PDE4D: variants seen among roughly 807,000 people sequenced by gnomAD.
The protein encoded by PDE4D is phosphodiesterase 4D.
A neutral mutation model predicts 87.4 loss-of-function variants in PDE4D; 24 were observed. That is an observed-to-expected ratio of 0.27 (90% CI 0.20 to 0.39). PDE4D has a LOEUF of 0.39. PDE4D is among the 10% of genes least tolerant of loss of function. PDE4D has a pLI of 1.00. For synonymous variants in PDE4D, 384 were observed against 383.2 expected, an observed-to-expected ratio of 1.00 and a Z score of -0.02; for missense variants, 714 against 1,041.0, an observed-to-expected ratio of 0.69 and a Z score of 4.32.
At chr5:59,419,305 T>C (rs891157615) in intron 1 of PDE4D, among the ~76,000 whole-genome samples, 2 of 152,232 alleles carry the variant, frequency 1.3e-5, no homozygotes, top group African/African-American at 4.8e-5. Context: ...GACTTTGATT[T>C]TTTTGAAGGC....
intron 1 of PDE4D, among the ~76,000 whole-genome samples, chr5:59,294,397 T>G (rs1768648408): frequency 6.6e-6 from 1 of 152,148 alleles, no homozygotes; most frequent in Non-Finnish European, 1.5e-5. Flanking sequence ...TCTCAAATGG[T>G]GACATAATGT....
chr5:59,694,872 C>A (rs1323789067), intron 1 of PDE4D, among the ~76,000 whole-genome samples: 1 of 152,168 alleles, frequency 6.6e-6, no homozygotes, highest in Non-Finnish European at 1.5e-5. Context: ...TTCTAAAGGA[C>A]TTTTACCAAA....
At chr5:59,771,473 GAA>G (rs1491453026) in intron 1 of PDE4D, among the ~76,000 whole-genome samples, 163 of 94,698 alleles carry the variant, frequency 1.7e-3, no homozygotes, top group East Asian at 2.7e-3. Context: ...AAGAAAGAAA[GAA>G]AGAAAGAAAG....
chr5:59,220,367 G>A (rs1752230817), intron 1 of PDE4D, among the ~76,000 whole-genome samples: 1 of 92,728 alleles, frequency 1.1e-5, no homozygotes, highest in African/African-American at 4.6e-5. Flanking sequence ...GACAGAGCAT[G>A]ACTCTGTCTC....
At chr5:59,029,029 T>C (rs1243881976) in intron 6 of PDE4D, among the ~76,000 whole-genome samples, 1 of 152,182 alleles carries the variant, frequency 6.6e-6, no homozygotes, top group East Asian at 1.9e-4. Flanking sequence ...GATTTAACAA[T>C]AAGTTGCTCT....
Position 59,196,895 on chromosome 5 carries a change from T to C in PDE4D, c.648-3359A>G, listed in dbSNP as rs530421833. 1.6e-4 allele frequency among the ~76,000 whole-genome samples: 24 copies of C among 152,260 alleles called. No individual in the cohort carries two copies. In the South Asian group the frequency reaches 4.8e-3, roughly 30 times the overall value. ...CACCTATGCCGACTTGATTTGCCAG[T>C]CTGATAAACTATTCATCTGCTTCAG... On this transcript the variant is annotated intron_variant, in intron 2 of 14. Coordinates refer to ENST00000340635, the MANE Select transcript of PDE4D (RefSeq NM_001104631.2).
At chr5:60,122,244 G>C (rs1473246892) in intron 2 of PDE4D, among the ~76,000 whole-genome samples, 1 of 152,172 alleles carries the variant, frequency 6.6e-6, no homozygotes, top group East Asian at 1.9e-4. Context: ...GGGGTCTGAA[G>C]GCTGTGGCCC....
Position 59,299,876 on chromosome 5 carries a change from G to A in PDE4D, c.456-83908C>T, listed in dbSNP as rs185986281. Among the ~76,000 whole-genome samples the A allele has an allele frequency of 5.4e-3, 821 of 152,264 alleles. 4 individuals are homozygous for A. Among genetic ancestry groups the A allele is most frequent in the South Asian group, 0.02 (96 of 4,826 alleles). On this transcript the variant is annotated intron_variant, in intron 1 of 14. Transcript: ENST00000340635. ...TTTAATCCCAGCACTTTGGGAGGCCGAGGTGGGCAGATCACCTGAGGTCAG... is the reference window on the plus strand; with the variant it reads ...TTTAATCCCAGCACTTTGGGAGGCCAAGGTGGGCAGATCACCTGAGGTCAG...
At chr5:60,292,538 C>A (rs1323499721) in intron 1 of PDE4D, among the ~76,000 whole-genome samples, 1 of 152,286 alleles carries the variant, frequency 6.6e-6, no homozygotes, top group African/African-American at 2.4e-5. Context: ...GCCAAAGATC[C>A]TACAGTCCTT....
intron 2 of PDE4D, among the ~76,000 whole-genome samples, chr5:60,043,327 T>C (rs1768746484): frequency 6.6e-6 from 1 of 152,148 alleles, no homozygotes; most frequent in Non-Finnish European, 1.5e-5. Context: ...TTGATTGGTG[T>C]ACCTCAAAGT....
Position 59,502,663 on chromosome 5 carries a change from AGTGTGTGTGTGT to A in PDE4D, c.456-286707_456-286696del, listed in dbSNP as rs56100725. Among the ~76,000 whole-genome samples the A allele has an allele frequency of 3.4e-3, 463 of 135,250 alleles. 1 individual carries two copies. Among genetic ancestry groups the A allele is most frequent in the African/African-American group, 0.011 (406 of 35,846 alleles). The allele number at this position is 135,250 out of a possible 152,430, so 88.7% of individuals were successfully genotyped here. A position where few individuals can be genotyped will look rare whatever the true frequency, so the allele number is the denominator to read the frequency against. On this transcript the variant is annotated intron_variant, in intron 1 of 14. Transcript: ENST00000340635. ...AGATAATTTCTTTATTCCTTAAGGT[AGTGTGTGTGTGT>A]GTGTGTGTGTGTGTGTGTGTGTGTG...
chr5:60,223,012 C>A (rs1348919617), intron 1 of PDE4D, among the ~76,000 whole-genome samples: 1 of 152,100 alleles, frequency 6.6e-6, no homozygotes, highest in Admixed American at 6.6e-5. Flanking sequence ...AGTTTTCCTT[C>A]TTTTCATTTC....
intron 1 of PDE4D, among the ~76,000 whole-genome samples, chr5:59,505,004 C>T (rs1809000760): frequency 1.3e-5 from 2 of 151,240 alleles, no homozygotes; most frequent in Admixed American, 6.6e-5. Context: ...TAGGGCTGCT[C>T]ATTAGTCTTA....
chr5:59,791,299 T>G (rs939667178), intron 1 of PDE4D, among the ~76,000 whole-genome samples: 2 of 152,208 alleles, frequency 1.3e-5, no homozygotes, highest in African/African-American at 2.4e-5. Flanking sequence ...ACACTCTACT[T>G]GATCTTAGCC....
chr5:60,316,700 G>C (rs936436259), intron 1 of PDE4D, among the ~76,000 whole-genome samples: 31 of 152,110 alleles, frequency 2.0e-4, no homozygotes, highest in African/African-American at 7.0e-4. Flanking sequence ...AGCATGAAGG[G>C]CTGTTGAATT....
chr5:59,800,387 G>C lies in PDE4D; in HGVS notation c.455+92781C>G, dbSNP rs186780606. On this transcript the variant is annotated intron_variant, in intron 1 of 14. Transcript: ENST00000340635. The stretch of plus-strand genomic sequence containing the variant: ...TCCCTTAGTATCAGGGAAAATAATT[G>C]ATCACACTATATAGTAAATGAAGAT... Among the ~76,000 whole-genome samples the C allele has an allele frequency of 2.5e-3, 382 of 152,180 alleles. 1 individual carries two copies. Among genetic ancestry groups the C allele is most frequent in the Admixed American group, 4.3e-3 (65 of 15,292 alleles).
chr5:60,010,337 C>G (rs1341647877), intron 2 of PDE4D, among the ~76,000 whole-genome samples: 2 of 152,080 alleles, frequency 1.3e-5, no homozygotes, highest in Non-Finnish European at 2.9e-5. Flanking sequence ...CAAACACTTG[C>G]AAAGCACAAT....
chr5:59,578,806 CT>C (rs1012391486), intron 1 of PDE4D, among the ~76,000 whole-genome samples: 7 of 152,124 alleles, frequency 4.6e-5, no homozygotes, highest in African/African-American at 1.7e-4. Flanking sequence ...TTTCCTCCCC[CT>C]ATCCCAGAGG....
intron 1 of PDE4D, among the ~76,000 whole-genome samples, chr5:59,298,402 AC>A (rs1302972542): frequency 6.6e-6 from 1 of 152,130 alleles, no homozygotes; most frequent in East Asian, 1.9e-4. Flanking sequence ...GGTGTGAGCC[AC>A]CGTGCCTGGC....
Sources: gnomAD v4.1 joint callset for allele counts (sites outside exome capture counted in the v4.1 genomes callset) on GRCh38, gnomAD v4.1.1 for gene constraint, MANE v1.5 for transcripts, NCBI Gene and HGNC (gene_info 2026-07-23, HGNC 2026-07-21) for gene names.